TOM1L2: variants seen among roughly 807,000 people sequenced by gnomAD.
TOM1L2 encodes the protein target of myb1 like 2 membrane trafficking protein.
In TOM1L2, 31 loss-of-function variants were observed where a neutral mutation model predicts 67.9. The ratio of observed to expected loss-of-function variants is 0.46; its 90% CI spans 0.34 to 0.62. TOM1L2 has a LOEUF of 0.62. Among genes scored for constraint, TOM1L2 ranks in the 20% least tolerant of loss-of-function variants. The pLI, the probability that TOM1L2 is intolerant of heterozygous loss-of-function variation, is 0.01. For missense variants in TOM1L2, 606 were observed against 663.5 expected (o/e 0.91, Z 0.95); for synonymous variants, 256 against 254.0 (o/e 1.01, Z -0.07).
At chr17:17,899,241 C>A (rs1241435584) in intron 2 of TOM1L2, among the ~76,000 whole-genome samples, 1 of 152,202 alleles carries the variant, frequency 6.6e-6, no homozygotes, top group Non-Finnish European at 1.5e-5. Flanking sequence ...ATATGAGAGA[C>A]ACAGAAGAGA....
At chr17:17,862,924 AG>A in intron 10 of TOM1L2, 76 bp from the exon 11 acceptor site, 2 of 716,028 alleles carry the variant, frequency 2.8e-6, no homozygotes, top group Non-Finnish European at 4.2e-6. Flanking sequence ...CCCCCAAGCT[AG>A]GACGCCAGCC....
chr17:17,893,342 G>A (rs1258850331), intron 4 of TOM1L2, among the ~76,000 whole-genome samples: 5 of 152,174 alleles, frequency 3.3e-5, no homozygotes, highest in East Asian at 3.9e-4. Flanking sequence ...CACCAAACCC[G>A]CACGTAGCTC....
Position 17,847,542 on chromosome 17 carries a change from G to C in TOM1L2, c.*93C>G, listed in dbSNP as rs1022317907. On this transcript the variant is annotated 3_prime_UTR_variant, in exon 15 of 15. Coordinates refer to ENST00000379504, the MANE Select transcript of TOM1L2 (RefSeq NM_001082968.2). Reference sequence around the variant, plus strand: ...CCATGGAAACACAGGTGTGCAGGCCGTGTGGAGCTGGGGATGTAGGAGTGG... The same window carrying C: ...CCATGGAAACACAGGTGTGCAGGCCCTGTGGAGCTGGGGATGTAGGAGTGG... 2 of 1,479,162 alleles carry C rather than the reference G, an allele frequency of 1.4e-6. No individual in the cohort carries two copies. The highest frequency in any genetic ancestry group is 2.8e-5 in the African/African-American group (2 of 71,626). 91.6% of individuals were successfully genotyped at this position (1,479,162 alleles called of 1,614,324 possible).
intron 4 of TOM1L2, among the ~76,000 whole-genome samples, chr17:17,891,441 C>T (rs2038267364): frequency 1.3e-5 from 2 of 152,142 alleles, no homozygotes; most frequent in South Asian, 2.1e-4. Flanking sequence ...GCAGGGTGTG[C>T]GGGGACAGGC....
intron 3 of TOM1L2, among the ~76,000 whole-genome samples, chr17:17,895,946 G>A (rs1381260388): frequency 6.6e-6 from 1 of 152,166 alleles, no homozygotes; most frequent in Non-Finnish European, 1.5e-5. Context: ...ATCGTTCCTT[G>A]CCTTGCTGCT....
At chr17:17,877,395 C>T (rs2037477083) in intron 7 of TOM1L2, among the ~76,000 whole-genome samples, 1 of 152,176 alleles carries the variant, frequency 6.6e-6, no homozygotes, top group African/African-American at 2.4e-5. Flanking sequence ...GCTCTGTATT[C>T]TCTGCCCCGA....
intron 10 of TOM1L2, among the ~76,000 whole-genome samples, chr17:17,864,384 G>A (rs534625542): frequency 5.3e-5 from 8 of 149,902 alleles, no homozygotes; most frequent in African/African-American, 2.0e-4. Context: ...CTAATTTTTT[G>A]TATTTTTAGT....
intron 1 of TOM1L2, among the ~76,000 whole-genome samples, chr17:17,946,151 T>C (rs1182526117): frequency 6.6e-6 from 1 of 152,182 alleles, no homozygotes; most frequent in Non-Finnish European, 1.5e-5. Flanking sequence ...GTGCTGGGAT[T>C]ATAGGAATAA....
At chr17:17,908,737 A>AT (rs1223192387) in intron 1 of TOM1L2, among the ~76,000 whole-genome samples, 27 of 152,238 alleles carry the variant, frequency 1.8e-4, no homozygotes, top group African/African-American at 6.3e-4. Flanking sequence ...ACACAATGAA[A>AT]TATCACCTCA....
chr17:17,887,044 C>A (rs1019606808), intron 4 of TOM1L2, among the ~76,000 whole-genome samples: 1 of 152,226 alleles, frequency 6.6e-6, no homozygotes, highest in African/African-American at 2.4e-5. Context: ...TGCAGGCGTA[C>A]AGGAGAGGAT....
chr17:17,917,650 G>A (rs917764847), intron 1 of TOM1L2, among the ~76,000 whole-genome samples: 1 of 143,690 alleles, frequency 7.0e-6, no homozygotes, highest in Non-Finnish European at 1.5e-5. Flanking sequence ...ACTTTGGGTA[G>A]TGTTGTCATC....
intron 1 of TOM1L2, among the ~76,000 whole-genome samples, chr17:17,961,247 G>C (rs2041664697): frequency 6.6e-6 from 1 of 151,960 alleles, no homozygotes; most frequent in Admixed American, 6.6e-5. Flanking sequence ...ATACCCATTA[G>C]GATGGCTACT....
In TOM1L2 at chr17:17,848,571, A is replaced by G. The variant is rs537941272; in HGVS notation, c.1375+252T>C. On this transcript the variant is annotated intron_variant, in intron 14 of 14. Transcript: ENST00000379504. ...GACCAGGTGGCAATCTGCACCCGCTATTCACCAGCTCTGCAACTTTGTGGA... is the reference window on the plus strand; with the variant it reads ...GACCAGGTGGCAATCTGCACCCGCTGTTCACCAGCTCTGCAACTTTGTGGA... Among the ~76,000 whole-genome samples the G allele has an allele frequency of 2.0e-5, 3 of 152,354 alleles. No homozygotes were observed. In the East Asian group the frequency reaches 5.8e-4, roughly 29 times the overall value.
intron 1 of TOM1L2, among the ~76,000 whole-genome samples, chr17:17,920,372 G>A (rs1446846490): frequency 5.2e-5 from 6 of 116,046 alleles, no homozygotes; most frequent in African/African-American, 1.1e-4. Flanking sequence ...ATGGAGTCTC[G>A]CTCTGTTGCC....
chr17:17,908,445 T>C (rs560925941), intron 1 of TOM1L2, among the ~76,000 whole-genome samples: 1 of 151,966 alleles, frequency 6.6e-6, no homozygotes, highest in Non-Finnish European at 1.5e-5. Flanking sequence ...AAAAGAAAAA[T>C]TTTGAACTAC....
At chr17:17,930,802 G>C (rs926558227) in intron 1 of TOM1L2, among the ~76,000 whole-genome samples, 5 of 152,218 alleles carry the variant, frequency 3.3e-5, no homozygotes, top group Non-Finnish European at 7.3e-5. Flanking sequence ...ATTGCAACTA[G>C]ACACTAATTA....
chr17:17,900,789 C>G (rs750393007), intron 2 of TOM1L2, among the ~76,000 whole-genome samples: 3 of 152,136 alleles, frequency 2.0e-5, no homozygotes, highest in Non-Finnish European at 4.4e-5. Context: ...GGGACTTAAC[C>G]GGCTCTCTGC....
chr17:17,850,825 A>C, intron 13 of TOM1L2, 68 bp downstream of exon 13: 2 of 1,563,162 alleles, frequency 1.3e-6, no homozygotes, highest in Non-Finnish European at 8.8e-7. Context: ...TGCTCCCCCA[A>C]GGCCTGTCCT....
At chr17:17,962,070 T>C (rs567493479) in intron 1 of TOM1L2, among the ~76,000 whole-genome samples, 6 of 152,264 alleles carry the variant, frequency 3.9e-5, no homozygotes, top group African/African-American at 1.4e-4. Flanking sequence ...CATGCTCCAA[T>C]AGAGATGAAA....
Sources: gnomAD v4.1 joint callset for allele counts (sites outside exome capture counted in the v4.1 genomes callset) on GRCh38, gnomAD v4.1.1 for gene constraint, MANE v1.5 for transcripts, NCBI Gene and HGNC (gene_info 2026-07-23, HGNC 2026-07-21) for gene names.